The following LYRM1 variants were observed in gnomAD, a reference collection of about 807,000 sequenced individuals.
LYRM1 encodes the protein LYR motif containing 1, also known as LYR motif-containing protein 1.
A neutral mutation model predicts 14.9 loss-of-function variants in LYRM1; 14 were observed. The observed-to-expected ratio is 0.94, with a 90% confidence interval of 0.62 to 1.47. The LOEUF is 1.47. Among genes scored for constraint, LYRM1 ranks in the 40% most tolerant of loss-of-function variants. The pLI is 0.00. For missense variants in LYRM1, 153 were observed against 149.9 expected, an observed-to-expected ratio of 1.02 and a Z score of -0.11; for synonymous variants, 43 against 56.2, an observed-to-expected ratio of 0.77 and a Z score of 1.05.
chr16:20,923,499 A>AAG (rs1230933600), intron 3 of LYRM1, among the ~76,000 whole-genome samples: 11 of 25,654 alleles, frequency 4.3e-4, no homozygotes, highest in Admixed American at 1.1e-3. Context: ...ACTGTGTCTC[A>AAG]AAAAAAAAAA....
At position 20,920,190 on chromosome 16, in the gene LYRM1, T is replaced by C. The variant is rs753244173; in HGVS notation, c.228T>C (p.His76=). 7 of 1,613,862 alleles carry C rather than the reference T, an allele frequency of 4.3e-6. No homozygotes were observed. The African/African-American group carries it at 9.3e-5, about 22-fold the overall frequency. The change falls in exon 3 of 4, where the codon CAT becomes CAC. Residue 76 remains histidine (H), a synonymous_variant. Transcript: ENST00000567954. ...CAGCCAGGATTGAAATTGGACTGCATTACAAGATTCCTTACCCAAGGCCAG... is the reference window on the plus strand; with the variant it reads ...CAGCCAGGATTGAAATTGGACTGCACTACAAGATTCCTTACCCAAGGCCAG... The part of the protein sequence containing the change: ...ECTARIEIGL[H]YKIPYPRPIH...
At chr16:20,913,747 A>T (rs968739809) in intron 1 of LYRM1, among the ~76,000 whole-genome samples, 2 of 152,218 alleles carry the variant, frequency 1.3e-5, no homozygotes, top group African/African-American at 4.8e-5. Flanking sequence ...CTGAAATTAA[A>T]ACTGATGTTT....
chr16:20,911,046 T>A (rs2082567679), intron 1 of LYRM1: 1 of 152,226 alleles, frequency 6.6e-6, no homozygotes, highest in South Asian at 2.1e-4. Context: ...CATCTGGGTT[T>A]TTATTACAAT....
chr16:20,900,304 T>A (rs1391921814), upstream of LYRM1: 1 of 150,452 alleles, frequency 6.6e-6, no homozygotes, highest in Non-Finnish European at 1.5e-5. Flanking sequence ...CCAGGCTCCC[T>A]ACCCCCGCCG....
intron 3 of LYRM1, chr16:20,921,723 A>C (rs1423960977): frequency 7.5e-6 from 1 of 133,272 alleles, no homozygotes; most frequent in Non-Finnish European, 1.7e-5. Context: ...AAAAAAAAAA[A>C]AAAAAAAAAA....
At chr16:20,923,510 AAAAG>A (rs1008980022) in intron 3 of LYRM1, among the ~76,000 whole-genome samples, 10 of 151,238 alleles carry the variant, frequency 6.6e-5, no homozygotes, top group African/African-American at 1.2e-4. Flanking sequence ...AAAAAAAAAA[AAAAG>A]AAAGAAAGAA....
chr16:20,905,734 TAAGA>T (rs2082287146), intron 1 of LYRM1, among the ~76,000 whole-genome samples: 1 of 152,190 alleles, frequency 6.6e-6, no homozygotes. Context: ...TAAGAAAACT[TAAGA>T]GTGAGGGTTA....
In LYRM1 at chr16:20,920,141, T is replaced by C; in HGVS notation, c.179T>C (p.Ile60Thr). 11 of 1,613,542 alleles carry C rather than the reference T, an allele frequency of 6.8e-6. No individual in the cohort carries two copies. Among genetic ancestry groups the C allele is most frequent in the Non-Finnish European group, 9.3e-6 (11 of 1,179,598 alleles). Residue 60 changes from isoleucine to threonine, a missense_variant, in exon 3 of 4, where the codon ATT (isoleucine) becomes ACT (threonine). Ile to Thr is a moderately conservative substitution (Grantham distance 89). Coordinates refer to ENST00000567954, the MANE Select transcript of LYRM1 (RefSeq NM_001128302.3). ...TAATAGCTCACGGACACAGACCTAATTAAACAGTGTATAGATGAATGCACA... is the reference window on the plus strand; with the variant it reads ...TAATAGCTCACGGACACAGACCTAACTAAACAGTGTATAGATGAATGCACA... ...KNKNLTDTDL[I>T]KQCIDECTAR... is the part of the protein sequence containing the mutation.
intron 1 of LYRM1, among the ~76,000 whole-genome samples, chr16:20,903,895 C>T (rs1191368101): frequency 1.3e-5 from 2 of 151,796 alleles, no homozygotes; most frequent in African/African-American, 4.8e-5. Context: ...AAAGCAAGAA[C>T]TTAAGTCAGT....
intron 3 of LYRM1, chr16:20,922,059 T>G (rs2083221813): frequency 6.6e-6 from 1 of 151,882 alleles, no homozygotes; most frequent in Non-Finnish European, 1.5e-5. Context: ...GACGCAATCT[T>G]GGCTCACTGC....
chr16:20,922,992 C>T (rs2083274747), intron 3 of LYRM1, among the ~76,000 whole-genome samples: 1 of 152,126 alleles, frequency 6.6e-6, no homozygotes, highest in Admixed American at 6.5e-5. Context: ...CTCAAACAGG[C>T]AGGAAGCAAA....
In LYRM1 at chr16:20,915,568, A is replaced by G. The variant is rs1228586115; in HGVS notation, c.13A>G (p.Thr5Ala). Residue 5 changes from threonine (T) to alanine (A), a missense_variant, in exon 2 of 4, where the codon ACA becomes GCA. Coordinates refer to ENST00000567954, the MANE Select transcript of LYRM1 (RefSeq NM_001128302.3). ...GGTGGGTCTGAAGATGACAACGGCAACACGACAAGAAGTCCTTGGCCTCTA... is the reference window on the plus strand; with the variant it reads ...GGTGGGTCTGAAGATGACAACGGCAGCACGACAAGAAGTCCTTGGCCTCTA... MTTA[T>A]RQEVLGLYRS... 1 of 1,613,958 alleles carries G rather than the reference A, an allele frequency of 6.2e-7. No homozygotes were observed. Among genetic ancestry groups the G allele is most frequent in the Admixed American group, 1.7e-5 (1 of 59,968 alleles).
intron 1 of LYRM1, among the ~76,000 whole-genome samples, chr16:20,904,191 ACTT>A (rs1301187405): frequency 2.0e-5 from 3 of 152,088 alleles, no homozygotes; most frequent in Non-Finnish European, 4.4e-5. Flanking sequence ...TTCATTTAGA[ACTT>A]CTATCCCTGA....
intron 1 of LYRM1, among the ~76,000 whole-genome samples, chr16:20,902,222 T>C (rs1005513348): frequency 4.8e-4 from 73 of 152,142 alleles, no homozygotes; most frequent in African/African-American, 1.6e-3. Flanking sequence ...GTGAAGTGTG[T>C]AGGAGAGGGA....
rs933645726 is a variant in LYRM1, at chr16:20,914,273, G to A, written c.1-1283G>A. Among the ~76,000 whole-genome samples the A allele has an allele frequency of 5.7e-5, 8 of 139,306 alleles. No individual in the cohort carries two copies. In the Middle Eastern group the frequency reaches 0.015, roughly 268 times the overall value. 91.4% of individuals were successfully genotyped at this position (139,306 alleles called of 152,430 possible). On this transcript the variant is annotated intron_variant, in intron 1 of 3. Coordinates refer to ENST00000567954, the MANE Select transcript of LYRM1 (RefSeq NM_001128302.3). ...CTCATTTTGTTTGGCCTGTACAGTCGTCACTTTTTTTTTTTTTTTTTTTTT... is the reference window on the plus strand; with the variant it reads ...CTCATTTTGTTTGGCCTGTACAGTCATCACTTTTTTTTTTTTTTTTTTTTT...
At chr16:20,911,288 A>G (rs1354950824) in intron 1 of LYRM1, 1 of 152,208 alleles carries the variant, frequency 6.6e-6, no homozygotes, top group Non-Finnish European at 1.5e-5. Context: ...TTGGAAAGAG[A>G]AATTCTCTGT....
intron 2 of LYRM1, among the ~76,000 whole-genome samples, chr16:20,919,269 C>T (rs1158443718): frequency 6.6e-6 from 1 of 151,076 alleles, no homozygotes; most frequent in Non-Finnish European, 1.5e-5. Flanking sequence ...CAGTGTCCTA[C>T]TCTGGGGGTT....
At chr16:20,904,520 T>C (rs1253460309) in intron 1 of LYRM1, among the ~76,000 whole-genome samples, 1 of 152,178 alleles carries the variant, frequency 6.6e-6, no homozygotes, top group African/African-American at 2.4e-5. Flanking sequence ...ATTCTTATCA[T>C]TTTCTGTGTA....
chr16:20,914,474 T>TG (rs2082770920), intron 1 of LYRM1, among the ~76,000 whole-genome samples: 1 of 120,762 alleles, frequency 8.3e-6, no homozygotes, highest in African/African-American at 2.8e-5. Context: ...TTTTTTTTTT[T>TG]GTATTTTAGT....
Sources: gnomAD v4.1 joint callset for allele counts (sites outside exome capture counted in the v4.1 genomes callset) on GRCh38, gnomAD v4.1.1 for gene constraint, MANE v1.5 for transcripts, NCBI Gene and HGNC (gene_info 2026-07-23, HGNC 2026-07-21) for gene names.